SLC39A11: variants seen among roughly 807,000 people sequenced by gnomAD.
The protein encoded by SLC39A11 is zinc transporter ZIP11.
A neutral mutation model predicts 36.1 loss-of-function variants in SLC39A11; 33 were observed. The ratio of observed to expected loss-of-function variants is 0.91; its 90% CI spans 0.69 to 1.22. The LOEUF is 1.22. Ranked by LOEUF, SLC39A11 falls within the 50% of genes most tolerant of loss-of-function variation. The pLI is 0.00. For missense variants in SLC39A11, 432 were observed against 430.3 expected, an observed-to-expected ratio of 1.00 and a Z score of -0.03; for synonymous variants, 166 against 170.3, an observed-to-expected ratio of 0.97 and a Z score of 0.20.
chr17:72,888,719 T>A (rs549360169), intron 5 of SLC39A11, among the ~76,000 whole-genome samples: 1 of 151,942 alleles, frequency 6.6e-6, no homozygotes, highest in African/African-American at 2.4e-5. Context: ...CTGGGCAACA[T>A]AGCAAGACTC....
intron 5 of SLC39A11, among the ~76,000 whole-genome samples, chr17:72,938,047 G>T (rs1202595920): frequency 6.6e-6 from 1 of 152,156 alleles, no homozygotes; most frequent in East Asian, 1.9e-4. Context: ...GCTTCAAAAT[G>T]TTACGACCCT....
intron 6 of SLC39A11, among the ~76,000 whole-genome samples, chr17:72,801,015 C>A (rs1180884477): frequency 6.6e-6 from 1 of 152,166 alleles, no homozygotes; most frequent in African/African-American, 2.4e-5. Context: ...AACACAGGTA[C>A]GTCTTGCTAA....
At chr17:73,038,052 G>C (rs978660532) in intron 3 of SLC39A11, among the ~76,000 whole-genome samples, 2 of 150,976 alleles carry the variant, frequency 1.3e-5, no homozygotes, top group Non-Finnish European at 3.0e-5. Context: ...GCGAAACCCC[G>C]TCTCTACTAA....
At chr17:73,026,531 A>G (rs373453330) in intron 4 of SLC39A11, among the ~76,000 whole-genome samples, 28 of 150,420 alleles carry the variant, frequency 1.9e-4, no homozygotes, top group Non-Finnish European at 2.5e-4. Context: ...AAAAAAAAAA[A>G]AAAGAAAGAA....
chr17:72,712,797 C>T (rs2073167026), intron 7 of SLC39A11: 1 of 151,952 alleles, frequency 6.6e-6, no homozygotes, highest in African/African-American at 2.4e-5. Flanking sequence ...AAAATTTTTA[C>T]CTTGAAAATC....
In SLC39A11 at chr17:73,009,845, G is replaced by A. The variant is rs183264049; in HGVS notation, c.306+21711C>T. On this transcript the variant is annotated intron_variant, in intron 4 of 9. Coordinates refer to ENST00000255559, the MANE Select transcript of SLC39A11 (RefSeq NM_139177.4). ...GTTGGTGTGCTGTACCCATTAACTC[G>A]TCATTTACATTAGGTGTAGCTCCTA... Among the ~76,000 whole-genome samples, 9 of 151,992 alleles carry A rather than the reference G, an allele frequency of 5.9e-5. No individual in the cohort carries two copies. In the East Asian group the frequency reaches 9.7e-4, roughly 16 times the overall value.
intron 5 of SLC39A11, among the ~76,000 whole-genome samples, chr17:72,912,526 C>T (rs1418901725): frequency 6.6e-6 from 1 of 150,830 alleles, no homozygotes. Context: ...CCTTGAATTC[C>T]TGGGCTCAAG....
chr17:72,919,402 G>T (rs1224177630), intron 5 of SLC39A11, among the ~76,000 whole-genome samples: 1 of 152,108 alleles, frequency 6.6e-6, no homozygotes, highest in Non-Finnish European at 1.5e-5. Context: ...GAGAGAACTT[G>T]GACCACAGCA....
At chr17:72,665,686 C>G (rs962261264) in intron 7 of SLC39A11, among the ~76,000 whole-genome samples, 1 of 152,048 alleles carries the variant, frequency 6.6e-6, no homozygotes, top group African/African-American at 2.4e-5. Context: ...CACACCCAAC[C>G]AAGTTTTGAG....
At chr17:73,088,086 T>A (rs577537719) in intron 2 of SLC39A11, among the ~76,000 whole-genome samples, 1 of 152,026 alleles carries the variant, frequency 6.6e-6, no homozygotes, top group Non-Finnish European at 1.5e-5. Flanking sequence ...GGGTGGATCA[T>A]CTGAGGTCAG....
chr17:72,788,874 C>T (rs907459030), intron 6 of SLC39A11, among the ~76,000 whole-genome samples: 1 of 152,168 alleles, frequency 6.6e-6, no homozygotes, highest in African/African-American at 2.4e-5. Context: ...TGTCAGAAAC[C>T]ATGCAACTGA....
intron 5 of SLC39A11, among the ~76,000 whole-genome samples, chr17:72,882,804 T>TTTTTTCTTTTTC (rs1385682276): frequency 6.8e-6 from 1 of 147,596 alleles, no homozygotes; most frequent in Admixed American, 6.7e-5. Context: ...CTTCTTTTTT[T>TTTTTTCTTTTTC]TTTTTTTTTT....
At chr17:72,967,518 G>C (rs960296574) in intron 4 of SLC39A11, among the ~76,000 whole-genome samples, 1 of 151,884 alleles carries the variant, frequency 6.6e-6, no homozygotes, top group African/African-American at 2.4e-5. Context: ...GGCAAAAGAG[G>C]GTGGTATGTC....
chr17:73,055,126 C>T (rs1401506852), intron 3 of SLC39A11, among the ~76,000 whole-genome samples: 1 of 152,166 alleles, frequency 6.6e-6, no homozygotes, highest in Non-Finnish European at 1.5e-5. Context: ...CCAGGAGTGT[C>T]CCTGTCCCAA....
intron 4 of SLC39A11, among the ~76,000 whole-genome samples, chr17:73,021,186 G>C (rs1352716239): frequency 6.6e-6 from 1 of 152,140 alleles, no homozygotes; most frequent in Non-Finnish European, 1.5e-5. Flanking sequence ...AATCCCAGAG[G>C]AGATGGACCA....
At position 72,773,644 on chromosome 17, in the gene SLC39A11, T is replaced by TACAC. The variant is rs550889404; in HGVS notation, c.602-36929_602-36926dup. On this transcript the variant is annotated intron_variant, in intron 6 of 9. Transcript: ENST00000255559. ...CAGACTAATACAGGGGAGACCATCT[T>TACAC]ACACACACACACACACACACACACA... Among the ~76,000 whole-genome samples the TACAC allele has an allele frequency of 7.5e-3, 590 of 78,830 alleles. 3 individuals carry two copies. Among genetic ancestry groups the TACAC allele is most frequent in the Admixed American group, 0.024 (209 of 8,754 alleles). 51.7% of individuals were successfully genotyped at this position (78,830 alleles called of 152,430 possible). A position where few individuals can be genotyped will look rare whatever the true frequency, so the allele number is the denominator to read the frequency against.
rs557133828 is a variant in SLC39A11 at position 72,764,093 on chromosome 17, G to A, written c.602-27374C>T. Among the ~76,000 whole-genome samples, 76 of 152,226 alleles carry A rather than the reference G, an allele frequency of 5.0e-4. 2 individuals are homozygous for A. The highest frequency in any genetic ancestry group is 1.0e-3 in the Non-Finnish European group (68 of 68,026). On this transcript the variant is annotated intron_variant, in intron 6 of 9. Coordinates refer to ENST00000255559, the MANE Select transcript of SLC39A11 (RefSeq NM_139177.4). ...CTGCTATTTTGCCAGGCACTCTGAAGTTAGAGTCCAGTGGGAAGGCCCAGG... is the reference window on the plus strand; with the variant it reads ...CTGCTATTTTGCCAGGCACTCTGAAATTAGAGTCCAGTGGGAAGGCCCAGG...
chr17:72,727,387 C>G (rs937339715), intron 7 of SLC39A11, among the ~76,000 whole-genome samples: 9 of 152,216 alleles, frequency 5.9e-5, no homozygotes, highest in African/African-American at 2.2e-4. Flanking sequence ...GGCACAGTGG[C>G]TCACGCCTGT....
intron 7 of SLC39A11, among the ~76,000 whole-genome samples, chr17:72,669,004 A>T (rs1440071080): frequency 1.3e-5 from 2 of 152,256 alleles, no homozygotes; most frequent in Non-Finnish European, 2.9e-5. Flanking sequence ...AACAATAGCA[A>T]CAACTAACCA....
Sources: allele counts gnomAD v4.1 joint callset (sites outside exome capture counted in the v4.1 genomes callset), GRCh38; gene constraint gnomAD v4.1.1; transcripts MANE v1.5; gene names NCBI Gene and HGNC (gene_info 2026-07-23, HGNC 2026-07-21).